ZNF81: variants seen among roughly 807,000 people sequenced by gnomAD.
ZNF81 encodes the protein zinc finger protein 81, also known as zinc finger protein 81 (HFZ20).
In ZNF81, 5 loss-of-function variants were observed where a neutral mutation model predicts 32.3. That is an observed-to-expected ratio of 0.15 (90% CI 0.08 to 0.33). The LOEUF is 0.33. ZNF81 is among the 10% of genes least tolerant of loss of function. ZNF81 has a pLI of 1.00. For synonymous variants in ZNF81, 163 were observed against 166.8 expected (o/e 0.98, Z 0.17); for missense variants, 379 against 479.8 (o/e 0.79, Z 1.96).
At chrX:47,905,210 T>C (rs782605343) in intron 4 of ZNF81, among the ~76,000 whole-genome samples, 2 of 92,292 alleles carry the variant, frequency 2.2e-5, no homozygotes, top group African/African-American at 7.9e-5. Flanking sequence ...ACTTAAAGTA[T>C]AATAATAATA....
At chrX:47,894,636 G>A (rs1210131961) in intron 3 of ZNF81, among the ~76,000 whole-genome samples, 1 of 111,555 alleles carries the variant, frequency 9.0e-6, no homozygotes, top group Non-Finnish European at 1.9e-5. Flanking sequence ...TGGACCATTA[G>A]GGGTAATAGG....
chrX:47,848,970 T>A (rs1556880843), intron 2 of ZNF81, among the ~76,000 whole-genome samples: 1 of 112,112 alleles, frequency 8.9e-6, no homozygotes, highest in African/African-American at 3.2e-5. Context: ...TTTATGCAGA[T>A]AACAGCAGCT....
chrX:47,837,381 A>G (rs941816920), intron 1 of ZNF81, among the ~76,000 whole-genome samples: 1 of 112,108 alleles, frequency 8.9e-6, no homozygotes, highest in African/African-American at 3.2e-5. Flanking sequence ...TAACTTGAAA[A>G]TAATATTTAA....
chrX:47,890,059 T>C (rs1603199099), intron 3 of ZNF81, among the ~76,000 whole-genome samples: 1 of 111,909 alleles, frequency 8.9e-6, no homozygotes, highest in South Asian at 3.8e-4. Flanking sequence ...CTTTCCCTTA[T>C]GGTTCTTGTT....
intron 3 of ZNF81, among the ~76,000 whole-genome samples, chrX:47,894,482 C>T (rs1450636144): frequency 9.0e-6 from 1 of 111,726 alleles, no homozygotes; most frequent in Non-Finnish European, 1.9e-5. Flanking sequence ...ATGAGGGACC[C>T]GAAGTGGTCG....
chrX:47,845,703 C>T (rs1221195437), intron 1 of ZNF81, among the ~76,000 whole-genome samples: 1 of 111,695 alleles, frequency 9.0e-6, no homozygotes, highest in African/African-American at 3.3e-5. Flanking sequence ...GTGTAAATTA[C>T]CTGCTATTAC....
chrX:47,862,523 C>CAA (rs5902400), intron 2 of ZNF81, among the ~76,000 whole-genome samples: 1 of 76,637 alleles, frequency 1.3e-5, no homozygotes. Context: ...GACTCCGTCT[C>CAA]AAAAAAAAAA....
intron 2 of ZNF81, among the ~76,000 whole-genome samples, chrX:47,854,715 C>T (rs1404896660): frequency 8.9e-6 from 1 of 111,805 alleles, no homozygotes; most frequent in Non-Finnish European, 1.9e-5. Context: ...CAATTCAGTT[C>T]ACCATCTTCT....
Position 47,925,272 on chromosome X carries a change from A to C in ZNF81, c.*8640A>C, listed in dbSNP as rs1177902087. On this transcript the variant is annotated 3_prime_UTR_variant, in exon 5 of 5. Transcript: ENST00000338637. ...AAATAATGAACATATCAATCACCCC[A>C]AAAAAGTTTCCTTATGCCTCTTTGT... is the stretch of plus-strand genomic sequence containing the variant. Among the ~76,000 whole-genome samples the C allele has an allele frequency of 9.0e-6, 1 of 111,591 alleles. No homozygotes were observed. Among genetic ancestry groups the C allele is most frequent in the Non-Finnish European group, 1.9e-5 (1 of 53,057 alleles).
intron 4 of ZNF81, among the ~76,000 whole-genome samples, chrX:47,903,296 T>G (rs1569390746): frequency 1.9e-5 from 2 of 103,480 alleles, no homozygotes; most frequent in African/African-American, 7.1e-5. Flanking sequence ...GACATGATTG[T>G]ATATCTAGAA....
At chrX:47,850,497 A>G (rs946682285) in intron 2 of ZNF81, among the ~76,000 whole-genome samples, 3 of 109,111 alleles carry the variant, frequency 2.7e-5, no homozygotes, top group African/African-American at 3.3e-5. Context: ...AAGCAAAAGC[A>G]TATAGTATAG....
At chrX:47,908,314 A>G (rs1365026952) in intron 4 of ZNF81, among the ~76,000 whole-genome samples, 1 of 111,715 alleles carries the variant, frequency 9.0e-6, no homozygotes, top group Non-Finnish European at 1.9e-5. Flanking sequence ...ATGTAAATTA[A>G]AACCACAATG....
chrX:47,885,933 G>A (rs1556885698), intron 2 of ZNF81, among the ~76,000 whole-genome samples: 1 of 111,653 alleles, frequency 9.0e-6, no homozygotes, highest in African/African-American at 3.3e-5. Context: ...ATTTCTGTTG[G>A]TCTATGTTTA....
intron 1 of ZNF81, among the ~76,000 whole-genome samples, chrX:47,845,775 G>A (rs1556880371): frequency 8.9e-6 from 1 of 111,969 alleles, no homozygotes; most frequent in Non-Finnish European, 1.9e-5. Context: ...CCAGTTCAGC[G>A]CTAAGTACCA....
intron 1 of ZNF81, chrX:47,841,765 C>CT: frequency 2.4e-6 from 1 of 418,000 alleles, no homozygotes; most frequent in East Asian, 3.8e-5. Context: ...TTTTATTGTT[C>CT]TTTTCAAAAG....
intron 2 of ZNF81, among the ~76,000 whole-genome samples, chrX:47,868,738 CTAA>C (rs1376477730): frequency 9.0e-6 from 1 of 110,709 alleles, no homozygotes; most frequent in Non-Finnish European, 1.9e-5. Context: ...GGACTGTATT[CTAA>C]TAAGTCTCCT....
At position 47,918,166 on chromosome X, in the gene ZNF81, T is replaced by G. The variant is rs2058763956; in HGVS notation, c.*1534T>G. ...GAGAGAAATGAACTAAAGAAATAAC[T>G]GTTTCTTTGGCAAGCAGAATTCAGA... On this transcript the variant is annotated 3_prime_UTR_variant, in exon 5 of 5. Transcript: ENST00000338637. The G allele has an allele frequency of 9.0e-6, 1 of 110,785 alleles. No individual in the cohort carries two copies. Among genetic ancestry groups the G allele is most frequent in the Non-Finnish European group, 1.9e-5 (1 of 52,992 alleles). 9.1% of individuals were successfully genotyped at this position (110,785 alleles called of 1,213,427 possible).
chrX:47,866,952 G>A (rs2058562234), intron 2 of ZNF81, among the ~76,000 whole-genome samples: 1 of 111,700 alleles, frequency 9.0e-6, no homozygotes, highest in Non-Finnish European at 1.9e-5. Flanking sequence ...GTCCTTTGCA[G>A]GGACATGGAT....
chrX:47,868,339 T>TA (rs370718526), intron 2 of ZNF81, among the ~76,000 whole-genome samples: 4 of 111,824 alleles, frequency 3.6e-5, no homozygotes, highest in African/African-American at 9.8e-5. Flanking sequence ...TGCTTTTTTT[T>TA]ATACTATTCT....
Sources: allele counts gnomAD v4.1 joint callset (sites outside exome capture counted in the v4.1 genomes callset), GRCh38; gene constraint gnomAD v4.1.1; transcripts MANE v1.5; gene names NCBI Gene and HGNC (gene_info 2026-07-23, HGNC 2026-07-21).